The following MYO16 variants were observed in gnomAD, a reference collection of about 807,000 sequenced individuals.
MYO16 encodes unconventional myosin-XVI.
A neutral mutation model predicts 205.3 loss-of-function variants in MYO16; 94 were observed. The observed-to-expected ratio is 0.46, with a 90% CI of 0.39 to 0.54. The LOEUF is 0.54. Ranked by LOEUF, MYO16 falls within the 20% of genes least tolerant of loss-of-function variation. The probability of loss-of-function intolerance (pLI) is 0.00; values close to 1 mark genes in which losing one functional copy is unlikely to be tolerated. For missense variants in MYO16, 2,315 were observed against 2,387.5 expected (o/e 0.97, Z 0.63); for synonymous variants, 988 against 954.0 (o/e 1.04, Z -0.66).
At chr13:108,608,420 T>C (rs111861264) in intron 1 of MYO16, among the ~76,000 whole-genome samples, 3 of 152,292 alleles carry the variant, frequency 2.0e-5, no homozygotes, top group African/African-American at 7.2e-5. Context: ...ACACCTTGTC[T>C]TAAAGCTTTC....
chr13:109,123,667 A>G (rs1490512202), intron 29 of MYO16, among the ~76,000 whole-genome samples: 3 of 152,210 alleles, frequency 2.0e-5, no homozygotes, highest in African/African-American at 7.2e-5. Context: ...GCATTCCAAC[A>G]TAACTAAACC....
chr13:108,808,926 G>A (rs771089138), intron 7 of MYO16, among the ~76,000 whole-genome samples: 2 of 152,122 alleles, frequency 1.3e-5, no homozygotes, highest in Non-Finnish European at 2.9e-5. Context: ...TCCCTCAAAA[G>A]TCATAAGACA....
intron 16 of MYO16, among the ~76,000 whole-genome samples, chr13:108,923,227 C>A (rs1178073663): frequency 1.3e-5 from 2 of 152,220 alleles, no homozygotes; most frequent in African/African-American, 4.8e-5. Context: ...TCTTGTGCCC[C>A]AGTCCAAGGT....
chr13:108,619,048 T>G (rs561694305), intron 1 of MYO16, among the ~76,000 whole-genome samples: 6 of 152,172 alleles, frequency 3.9e-5, no homozygotes, highest in African/African-American at 1.4e-4. Context: ...TTTTGGATTT[T>G]ATGTAAATAA....
At chr13:108,516,615 A>G in the MYO16 span, among the ~76,000 whole-genome samples, 1 of 152,364 alleles carries the variant, frequency 6.6e-6, no homozygotes, top group East Asian at 1.9e-4. Flanking sequence ...TAAGGTAAAC[A>G]TGTATCAAGA....
intron 1 of MYO16, among the ~76,000 whole-genome samples, chr13:108,605,802 CT>C (rs1878937118): frequency 1.3e-5 from 2 of 152,110 alleles, no homozygotes; most frequent in African/African-American, 4.8e-5. Context: ...ATAAAGTTAC[CT>C]GAAAATGTGG....
chr13:108,611,252 G>T (rs1001760482), intron 1 of MYO16, among the ~76,000 whole-genome samples: 5 of 151,994 alleles, frequency 3.3e-5, no homozygotes, highest in African/African-American at 1.2e-4. Flanking sequence ...TGGTGGATCT[G>T]CTCTATTGTT....
At chr13:108,807,062 G>A (rs757488695) in intron 7 of MYO16, among the ~76,000 whole-genome samples, 14 of 152,054 alleles carry the variant, frequency 9.2e-5, no homozygotes, top group Non-Finnish European at 1.5e-4. Context: ...GTCATAATAC[G>A]GATTTAAAAT....
chr13:108,657,898 A>G (rs1024101860), intron 1 of MYO16, among the ~76,000 whole-genome samples: 2 of 152,176 alleles, frequency 1.3e-5, no homozygotes, highest in African/African-American at 4.8e-5. Context: ...TTCTTTTTCT[A>G]AATTTTAAAC....
chr13:108,545,253 A>G, the MYO16 span, among the ~76,000 whole-genome samples: 1 of 152,184 alleles, frequency 6.6e-6, no homozygotes, highest in Non-Finnish European at 1.5e-5. Context: ...GAAAATGGAA[A>G]GTATTTTGTT....
At chr13:108,548,158 A>C in the MYO16 span, among the ~76,000 whole-genome samples, 21 of 152,248 alleles carry the variant, frequency 1.4e-4, no homozygotes, top group Admixed American at 3.9e-4. Flanking sequence ...AAAAGGTAAA[A>C]ATTAGTTTAC....
intron 23 of MYO16, among the ~76,000 whole-genome samples, chr13:109,032,368 T>A (rs1886572530): frequency 6.6e-6 from 1 of 152,166 alleles, no homozygotes; most frequent in African/African-American, 2.4e-5. Flanking sequence ...CAGAAGCCAT[T>A]ATCCCTCCCA....
intron 21 of MYO16, 54 bp from the exon 22 acceptor site, chr13:109,008,843 T>C: frequency 6.9e-7 from 1 of 1,452,518 alleles, no homozygotes; most frequent in Non-Finnish European, 9.5e-7. Context: ...ATCTATCTTG[T>C]GTATGCACTA....
intron 34 of MYO16, among the ~76,000 whole-genome samples, chr13:109,183,249 C>T (rs1406209891): frequency 1.3e-5 from 2 of 152,154 alleles, no homozygotes; most frequent in Non-Finnish European, 2.9e-5. Context: ...CAGCATCAGC[C>T]AGCCAAGAAT....
intron 23 of MYO16, among the ~76,000 whole-genome samples, chr13:109,023,644 A>T (rs28971798): frequency 6.4e-5 from 7 of 108,936 alleles, no homozygotes; most frequent in East Asian, 2.3e-4. Context: ...TATATATACA[A>T]ATATATGTAT....
At chr13:109,077,953 T>G (rs1888162275) in intron 27 of MYO16, among the ~76,000 whole-genome samples, 1 of 152,188 alleles carries the variant, frequency 6.6e-6, no homozygotes, top group Admixed American at 6.5e-5. Flanking sequence ...AATGCTCTGT[T>G]GATATTTCTT....
At position 109,134,982 on chromosome 13, in the gene MYO16, C is replaced by T. The variant is rs77643179; in HGVS notation, c.4052-5282C>T. 2.7e-3 allele frequency among the ~76,000 whole-genome samples: 408 copies of T among 152,296 alleles called. 1 individual carries two copies. The highest frequency in any genetic ancestry group is 3.8e-3 in the Non-Finnish European group (261 of 68,038). ...AAGCCTCCTTCATCATCTCATCTGG[C>T]TCAGGTTCAAGGGCCAGATCGCATC... On this transcript the variant is annotated intron_variant, in intron 31 of 34. Coordinates refer to ENST00000457511, the MANE Select transcript of MYO16 (RefSeq NM_001198950.3).
At chr13:108,695,539 A>C (rs538528266) in intron 2 of MYO16, among the ~76,000 whole-genome samples, 4 of 149,328 alleles carry the variant, frequency 2.7e-5, no homozygotes, top group African/African-American at 7.3e-5. Context: ...TTTTAGGGTC[A>C]GCTTTTTAAT....
intron 16 of MYO16, among the ~76,000 whole-genome samples, chr13:108,935,153 A>T (rs2139300453): frequency 6.6e-6 from 1 of 152,182 alleles, no homozygotes; most frequent in South Asian, 2.1e-4. Context: ...CCAATTCTGT[A>T]AAAAGTGACA....
Sources: allele counts gnomAD v4.1 joint callset (sites outside exome capture counted in the v4.1 genomes callset), GRCh38; gene constraint gnomAD v4.1.1; transcripts MANE v1.5; gene names NCBI Gene and HGNC (gene_info 2026-07-23, HGNC 2026-07-21).